The following PHACTR2 variants were observed in gnomAD, a reference collection of about 807,000 sequenced individuals.
PHACTR2 encodes phosphatase and actin regulator 2.
PHACTR2 carries 30 observed loss-of-function variants against 76.0 expected under a neutral mutation model. The ratio of observed to expected loss-of-function variants is 0.39; its 90% CI spans 0.30 to 0.54. The LOEUF is 0.54. Ranked by LOEUF, PHACTR2 falls within the 20% of genes least tolerant of loss-of-function variation. PHACTR2 has a pLI of 0.61. For synonymous variants in PHACTR2, 292 were observed against 292.5 expected (o/e 1.00, Z 0.02); for missense variants, 696 against 781.1 (o/e 0.89, Z 1.30).
intron 2 of PHACTR2, among the ~76,000 whole-genome samples, chr6:143,718,986 G>A (rs1009739754): frequency 6.7e-6 from 1 of 149,558 alleles, no homozygotes; most frequent in African/African-American, 2.4e-5. Context: ...GAGTTCAAGT[G>A]ATTCTCCTGC....
In PHACTR2 at chr6:143,539,701, C is replaced by T. The variant is rs1781154814; in HGVS notation, c.217+2494C>T. The stretch of plus-strand genomic sequence containing the variant: ...GTCATGTGTGGCTTGCCAAAACAGC[C>T]CCGGACCAGCATCTGTGGCCTCATC... On this transcript the variant is annotated intron_variant, in intron 1 of 11. Coordinates refer to the PHACTR2 transcript ENST00000367584. This position sits in a 1 kb window ranked among gnomAD's most constrained non-coding sequence, Gnocchi z 4.3. 6.6e-6 allele frequency among the ~76,000 whole-genome samples: 1 copy of T among 152,184 alleles called. No individual in the cohort carries two copies. Among genetic ancestry groups the T allele is most frequent in the African/African-American group, 2.4e-5 (1 of 41,444 alleles).
chr6:143,706,505 T>C (rs1368183328), intron 1 of PHACTR2, among the ~76,000 whole-genome samples: 1 of 152,218 alleles, frequency 6.6e-6, no homozygotes, highest in Non-Finnish European at 1.5e-5. Context: ...CTAGCTTTAC[T>C]CTCTCGCTTA....
chr6:143,637,125 G>A (rs1038058169), intron 1 of PHACTR2, among the ~76,000 whole-genome samples: 2 of 152,168 alleles, frequency 1.3e-5, no homozygotes, highest in Non-Finnish European at 2.9e-5. Context: ...GTTTGGCAGC[G>A]TGACTAACCG....
At chr6:143,682,474 C>T (rs1012805194) in intron 1 of PHACTR2, among the ~76,000 whole-genome samples, 14 of 152,254 alleles carry the variant, frequency 9.2e-5, no homozygotes, top group Non-Finnish European at 4.4e-5. Flanking sequence ...CTGGGCCTTC[C>T]AATATTGCAG....
chr6:143,628,924 G>GATAT (rs71024862), intron 1 of PHACTR2, among the ~76,000 whole-genome samples: 47 of 33,984 alleles, frequency 1.4e-3, no homozygotes, highest in East Asian at 2.6e-3. Context: ...AAATGCAGGA[G>GATAT]ATATATATAT....
chr6:143,603,017 T>A (rs1775828716), intron 1 of PHACTR2, among the ~76,000 whole-genome samples: 1 of 151,912 alleles, frequency 6.6e-6, no homozygotes, highest in Non-Finnish European at 1.5e-5. Context: ...TGGTGGTGCA[T>A]GCCTGTAATC....
chr6:143,759,514 C>A (rs1312327189), intron 4 of PHACTR2, among the ~76,000 whole-genome samples: 1 of 151,802 alleles, frequency 6.6e-6, no homozygotes, highest in Non-Finnish European at 1.5e-5. Context: ...ATTAGCTGGG[C>A]GTGGTGGCAA....
chr6:143,662,618 C>G lies in PHACTR2; in HGVS notation c.14-49398C>G, dbSNP rs1469329380. Reference sequence around the variant, plus strand: ...TCTGTATTTTTCCCTGAATGCAAAACAGTAATATTTAAATTCACCTTCCTA... The same window carrying G: ...TCTGTATTTTTCCCTGAATGCAAAAGAGTAATATTTAAATTCACCTTCCTA... On this transcript the variant is annotated intron_variant, in intron 1 of 11. Coordinates refer to the PHACTR2 transcript ENST00000305766. The surrounding 1 kb of genome is among the most constrained non-coding windows in gnomAD (Gnocchi z 4.7). 6.6e-6 allele frequency among the ~76,000 whole-genome samples: 1 copy of G among 152,158 alleles called. No homozygotes were observed.
rs1300418216 is a variant in PHACTR2, at chr6:143,776,424, T to C, written c.1590-904T>C. The stretch of plus-strand genomic sequence containing the variant: ...TATAAAAATCAACATTATGTTTATA[T>C]AACATTGTTACATAGAAGAAAATAC... On this transcript the variant is annotated intron_variant, in intron 8 of 12. Coordinates refer to ENST00000440869, the MANE Select transcript of PHACTR2 (RefSeq NM_001100164.2). This position sits in a 1 kb window ranked among gnomAD's most constrained non-coding sequence, Gnocchi z 5.3. Among the ~76,000 whole-genome samples, 1 of 152,256 alleles carries C rather than the reference T, an allele frequency of 6.6e-6. No individual in the cohort carries two copies. The highest frequency in any genetic ancestry group is 2.4e-5 in the African/African-American group (1 of 41,464).
In PHACTR2 at chr6:143,678,719, G is replaced by C. The variant is rs7755210; in HGVS notation, c.46+510G>C. Among the ~76,000 whole-genome samples, 2,796 of 152,248 alleles carry C rather than the reference G, an allele frequency of 0.018. 86 individuals are homozygous for C. The highest frequency in any genetic ancestry group is 0.062 in the African/African-American group (2,574 of 41,544). On this transcript the variant is annotated intron_variant, in intron 1 of 12. Coordinates refer to ENST00000440869, the MANE Select transcript of PHACTR2 (RefSeq NM_001100164.2). This position sits in a 1 kb window ranked among gnomAD's most constrained non-coding sequence, Gnocchi z 6.2. The stretch of plus-strand genomic sequence containing the variant: ...ATAACTAGCCCCGAAATGCGTAATT[G>C]TTTCAAATGAGACTTGTTTTGTTTA...
upstream of PHACTR2, among the ~76,000 whole-genome samples, chr6:143,677,302 A>T (rs1055291258): frequency 1.3e-5 from 2 of 152,128 alleles, no homozygotes. Context: ...TTGTATTCAT[A>T]TTTTTAAGAA....
rs1775982457 is a variant in PHACTR2 at position 143,802,603 on chromosome 6, C to T, written c.1846-4454C>T. Reference sequence around the variant, plus strand: ...TTGAGGCTACAATGAGCTGTGATCACACCACCTGCACTCCAGCCTGGGTGA... The same window carrying T: ...TTGAGGCTACAATGAGCTGTGATCATACCACCTGCACTCCAGCCTGGGTGA... On this transcript the variant is annotated intron_variant, in intron 11 of 12. Transcript: ENST00000440869. Among the ~76,000 whole-genome samples the T allele has an allele frequency of 1.4e-5, 2 of 140,070 alleles. 1 individual carries two copies. The highest frequency in any genetic ancestry group is 1.6e-4 in the Admixed American group (2 of 12,862). 91.9% of individuals were successfully genotyped at this position (140,070 alleles called of 152,430 possible).
intron 2 of PHACTR2, among the ~76,000 whole-genome samples, chr6:143,741,743 C>A (rs1438198269): frequency 2.0e-5 from 3 of 152,262 alleles, no homozygotes; most frequent in African/African-American, 7.2e-5. Flanking sequence ...GTTCTCCTTT[C>A]ATATTTCTGC....
rs1486682028 is a variant in PHACTR2, at chr6:143,581,002, A to C, written c.217+43795A>C. On this transcript the variant is annotated intron_variant, in intron 1 of 11. Transcript: ENST00000367584. This position sits in a 1 kb window ranked among gnomAD's most constrained non-coding sequence, Gnocchi z 4.5. The stretch of plus-strand genomic sequence containing the variant: ...ATCCTATAAAAGTCTTCCATTACAG[A>C]ACACCTACACATCAGGAGCTCAAAA... Among the ~76,000 whole-genome samples the C allele has an allele frequency of 6.6e-6, 1 of 152,188 alleles. No individual in the cohort carries two copies. Among genetic ancestry groups the C allele is most frequent in the Non-Finnish European group, 1.5e-5 (1 of 68,036 alleles).
rs1779011505 is a variant in PHACTR2, at chr6:143,744,487, A to G, written c.215-4498A>G. Among the ~76,000 whole-genome samples, 8 of 152,198 alleles carry G rather than the reference A, an allele frequency of 5.3e-5. No homozygotes were observed. In the South Asian group the frequency reaches 1.7e-3, roughly 31 times the overall value. ...GATGGGTTTTGCAGGGAAAGAAGAGATAAAGTTGGGAAGGGGAATAGCCAT... is the reference window on the plus strand; with the variant it reads ...GATGGGTTTTGCAGGGAAAGAAGAGGTAAAGTTGGGAAGGGGAATAGCCAT... On this transcript the variant is annotated intron_variant, in intron 2 of 12. Transcript: ENST00000440869.
Position 143,608,291 on chromosome 6 carries a change from G to T in PHACTR2, c.-19G>T, listed in dbSNP as rs770289386. On this transcript the variant is annotated 5_prime_UTR_variant, in exon 1 of 12. Transcript: ENST00000305766. This position sits in a 1 kb window ranked among gnomAD's most constrained non-coding sequence, Gnocchi z 4.6. ...TCCCGGCTGCCAGGCTACAGAACTC[G>T]CCTCGCCACTCCTGAGACATGGACA... 3 of 1,614,032 alleles carry T rather than the reference G, an allele frequency of 1.9e-6. No homozygotes were observed. Among genetic ancestry groups the T allele is most frequent in the East Asian group, 2.2e-5 (1 of 44,888 alleles).
intron 1 of PHACTR2, among the ~76,000 whole-genome samples, chr6:143,703,618 G>A (rs1020098156): frequency 6.6e-6 from 1 of 152,102 alleles, no homozygotes; most frequent in African/African-American, 2.4e-5. Flanking sequence ...TTAATTTCTT[G>A]CTTACATTCT....
In PHACTR2 at chr6:143,557,701, T is replaced by G. The variant is rs1024150276; in HGVS notation, c.217+20494T>G. ...TGTCGCGAGTCCTAGAGGCAACCAG[T>G]TCCTTGCGTACCCCACCCTCCTTCG... On this transcript the variant is annotated intron_variant, in intron 1 of 11. Transcript: ENST00000367584. This position sits in a 1 kb window ranked among gnomAD's most constrained non-coding sequence, Gnocchi z 5.5. The G allele has an allele frequency of 2.0e-5, 3 of 152,156 alleles. No individual in the cohort carries two copies. The highest frequency in any genetic ancestry group is 7.2e-5 in the African/African-American group (3 of 41,426). The allele number at this position is 152,156 out of a possible 1,614,324, so 9.4% of individuals were successfully genotyped here.
chr6:143,651,285 T>C (rs1582736892), intron 1 of PHACTR2, among the ~76,000 whole-genome samples: 1 of 152,068 alleles, frequency 6.6e-6, no homozygotes, highest in Non-Finnish European at 1.5e-5. Flanking sequence ...AGTGTGGTGA[T>C]TGCTCAAAGA....
Sources: allele counts gnomAD v4.1 joint callset (sites outside exome capture counted in the v4.1 genomes callset), GRCh38; gene constraint gnomAD v4.1.1; non-coding constraint Gnocchi (gnomAD v3.1); transcripts MANE v1.5; gene names NCBI Gene and HGNC (gene_info 2026-07-23, HGNC 2026-07-21).